IL17RD: variants seen among roughly 807,000 people sequenced by gnomAD.
IL17RD encodes interleukin 17 receptor D.
A neutral mutation model predicts 80.5 loss-of-function variants in IL17RD; 52 were observed. That is an observed-to-expected ratio of 0.65 (90% CI 0.52 to 0.81). The LOEUF (loss-of-function observed/expected upper bound fraction) is 0.81. Ranked by LOEUF, IL17RD falls within the 40% of genes least tolerant of loss-of-function variation. The pLI is 0.00. For synonymous variants in IL17RD, 416 were observed against 391.8 expected (o/e 1.06, Z -0.73); for missense variants, 1,024 against 955.1 (o/e 1.07, Z -0.95).
At chr3:57,143,545 G>A (rs1407408237) in intron 1 of IL17RD, among the ~76,000 whole-genome samples, 1 of 152,252 alleles carries the variant, frequency 6.6e-6, no homozygotes, top group African/African-American at 2.4e-5. Context: ...TAGGCAGGAG[G>A]CTGGGGAGCT....
intron 5 of IL17RD, among the ~76,000 whole-genome samples, chr3:57,108,539 G>C (rs1707018408): frequency 3.8e-5 from 2 of 53,190 alleles, no homozygotes; most frequent in Admixed American, 3.2e-4. Context: ...TTTTTTAGAT[G>C]GAGGTTTGCT....
intron 5 of IL17RD, among the ~76,000 whole-genome samples, chr3:57,107,295 C>A (rs527713238): frequency 9.4e-4 from 142 of 151,790 alleles, no homozygotes; most frequent in Admixed American, 1.4e-3. Context: ...AGGAGAATGG[C>A]GTGAACCCCG....
At chr3:57,141,686 A>AT (rs1389926525) in intron 1 of IL17RD, among the ~76,000 whole-genome samples, 1 of 152,198 alleles carries the variant, frequency 6.6e-6, no homozygotes. Flanking sequence ...GGAAAAAAAA[A>AT]GCTTGACACT....
rs1463554054 is a variant in IL17RD at position 57,101,237 on chromosome 3, T to A, written c.1106A>T (p.Asn369Ile). The A allele has an allele frequency of 5.0e-6, 8 of 1,613,798 alleles. No homozygotes were observed. The highest frequency in any genetic ancestry group is 6.8e-6 in the Non-Finnish European group (8 of 1,179,750). Residue 369 changes from asparagine to isoleucine, a missense_variant, in exon 11 of 13, where the codon AAT becomes ATT. Transcript: ENST00000296318. ...GAAACACTGGACGACATTCATGTGA[T>A]TCTGGCCATCTTTACTGGAATAGCA... ...FLCYSSKDGQ[N>I]HMNVVQCFAY...
rs745910085 is a variant in IL17RD at position 57,105,536 on chromosome 3, CAAAAA to C, written c.747+316_747+320del. ...TGGGCAACAGAGCAAGACTCCATCT[CAAAAA>C]AAAAAAAAAAAATATATATATATAT... On this transcript the variant is annotated intron_variant, in intron 7 of 12. Coordinates refer to ENST00000296318, the MANE Select transcript of IL17RD (RefSeq NM_017563.5). 3.9e-4 allele frequency among the ~76,000 whole-genome samples: 14 copies of C among 35,616 alleles called. 2 individuals carry two copies. The highest frequency in any genetic ancestry group is 1.4e-3 in the African/African-American group (14 of 9,998). The allele number at this position is 35,616 out of a possible 152,430, so 23.4% of individuals were successfully genotyped here. A position where few individuals can be genotyped will look rare whatever the true frequency, so the allele number is the denominator to read the frequency against.
chr3:57,090,894 T>C lies in IL17RD; in HGVS notation c.*5499A>G, dbSNP rs1706539660. On this transcript the variant is annotated 3_prime_UTR_variant, in exon 13 of 13. Coordinates refer to ENST00000296318, the MANE Select transcript of IL17RD (RefSeq NM_017563.5). ...CATAACTGTTTGCTTTTGTGAGACT[T>C]CTGATTGTGCAAAACGCAGTGCTTG... The C allele has an allele frequency of 6.6e-6, 1 of 152,228 alleles. No homozygotes were observed. Among genetic ancestry groups the C allele is most frequent in the African/African-American group, 2.4e-5 (1 of 41,460 alleles). 9.4% of individuals were successfully genotyped at this position (152,228 alleles called of 1,614,324 possible).
intron 1 of IL17RD, among the ~76,000 whole-genome samples, chr3:57,151,627 T>C (rs1402753318): frequency 1.3e-5 from 2 of 152,132 alleles, no homozygotes; most frequent in Non-Finnish European, 2.9e-5. Context: ...GGTTTCTCAG[T>C]CTCAGCGCTA....
intron 12 of IL17RD, among the ~76,000 whole-genome samples, chr3:57,097,264 A>T (rs1390304048): frequency 6.6e-6 from 1 of 152,148 alleles, no homozygotes; most frequent in Non-Finnish European, 1.5e-5. Flanking sequence ...CGCATCCACA[A>T]ACTGTTACCC....
chr3:57,141,994 C>T (rs1451184688), intron 1 of IL17RD, among the ~76,000 whole-genome samples: 1 of 152,010 alleles, frequency 6.6e-6, no homozygotes, highest in East Asian at 1.9e-4. Context: ...CAGCCCCTGC[C>T]CCATTGCCTA....
intron 1 of IL17RD, among the ~76,000 whole-genome samples, chr3:57,132,198 C>T (rs1017644457): frequency 8.6e-5 from 13 of 151,528 alleles, no homozygotes; most frequent in African/African-American, 3.2e-4. Context: ...AAGGGGCGGG[C>T]GCAGCGGCTC....
intron 7 of IL17RD, among the ~76,000 whole-genome samples, chr3:57,105,552 A>AAAAATATATATAT: frequency 3.9e-4 from 25 of 63,584 alleles, no homozygotes; most frequent in African/African-American, 2.1e-3. Context: ...AAAAAAAAAA[A>AAAAATATATATAT]ATATATATAT....
intron 1 of IL17RD, among the ~76,000 whole-genome samples, chr3:57,130,429 ACCCCAGCTGGTT>A (rs1248637319): frequency 6.6e-6 from 1 of 152,184 alleles, no homozygotes; most frequent in Non-Finnish European, 1.5e-5. Flanking sequence ...CCCTTGGGTG[ACCCCAGCTGGTT>A]CTCTCTGTCC....
intron 11 of IL17RD, among the ~76,000 whole-genome samples, chr3:57,100,254 G>A (rs1208915892): frequency 1.3e-5 from 2 of 152,146 alleles, no homozygotes; most frequent in Admixed American, 1.3e-4. Context: ...TCATGCAGAG[G>A]GAAACTAGGC....
chr3:57,119,177 C>A (rs1707280114), intron 2 of IL17RD, among the ~76,000 whole-genome samples: 1 of 152,000 alleles, frequency 6.6e-6, no homozygotes, highest in Non-Finnish European at 1.5e-5. Flanking sequence ...ACAGTGAAAC[C>A]CCATCTCTAC....
chr3:57,155,424 C>T (rs1185185109), intron 1 of IL17RD, among the ~76,000 whole-genome samples: 3 of 152,238 alleles, frequency 2.0e-5, no homozygotes, highest in African/African-American at 2.4e-5. Context: ...CCACACTCTC[C>T]CTGTCATGAG....
At chr3:57,130,850 A>G (rs1373613475) in intron 1 of IL17RD, among the ~76,000 whole-genome samples, 1 of 152,208 alleles carries the variant, frequency 6.6e-6, no homozygotes, top group African/African-American at 2.4e-5. Context: ...CAACAACAAC[A>G]AAAAAGCACC....
chr3:57,109,129 G>A (rs989174481), intron 5 of IL17RD, among the ~76,000 whole-genome samples: 1 of 152,040 alleles, frequency 6.6e-6, no homozygotes, highest in African/African-American at 2.4e-5. Flanking sequence ...ACCAGTATTT[G>A]GCATGTTTTT....
intron 2 of IL17RD, among the ~76,000 whole-genome samples, chr3:57,115,312 A>T (rs1207839084): frequency 6.6e-6 from 1 of 152,198 alleles, no homozygotes. Context: ...TCTCAGCAAG[A>T]TTCTTAACCC....
At chr3:57,150,930 T>C (rs929274789) in intron 1 of IL17RD, among the ~76,000 whole-genome samples, 16 of 152,120 alleles carry the variant, frequency 1.1e-4, no homozygotes, top group African/African-American at 3.4e-4. Context: ...CTGCTGAGGA[T>C]TCCTGGAAAA....
Sources: gnomAD v4.1 joint callset for allele counts (sites outside exome capture counted in the v4.1 genomes callset) on GRCh38, gnomAD v4.1.1 for gene constraint, MANE v1.5 for transcripts, NCBI Gene and HGNC (gene_info 2026-07-23, HGNC 2026-07-21) for gene names.